The following KIF21B variants were observed in gnomAD, a reference collection of about 807,000 sequenced individuals.
The protein encoded by KIF21B is kinesin family member 21B.
A neutral mutation model predicts 192.9 loss-of-function variants in KIF21B; 85 were observed. The ratio of observed to expected loss-of-function variants is 0.44; its 90% CI spans 0.37 to 0.53. KIF21B has a LOEUF of 0.53. Among genes scored for constraint, KIF21B ranks in the 20% least tolerant of loss-of-function variants. KIF21B has a pLI of 0.00. For synonymous variants in KIF21B, 832 were observed against 884.6 expected (o/e 0.94, Z 1.05); for missense variants, 1,716 against 2,194.8 (o/e 0.78, Z 4.36).
chr1:201,020,328 C>CAGAG (rs1166140640), intron 1 of KIF21B, among the ~76,000 whole-genome samples: 2 of 152,174 alleles, frequency 1.3e-5, no homozygotes, highest in East Asian at 3.9e-4. Flanking sequence ...ATTTGTCAGG[C>CAGAG]CTATATCTCT....
At chr1:201,002,798 T>C (rs1657571427) in intron 8 of KIF21B, 1 of 158,414 alleles carries the variant, frequency 6.3e-6, no homozygotes, top group African/African-American at 2.4e-5. Flanking sequence ...GCCAACTTGG[T>C]ACCATGAGTT....
At chr1:201,009,509 C>A (rs769583229) in intron 1 of KIF21B, 21 bp from the exon 2 acceptor site, 8 of 1,608,114 alleles carry the variant, frequency 5.0e-6, no homozygotes, top group Non-Finnish European at 6.8e-6. Context: ...TGGAGAGAGC[C>A]CTGGGTCAGG....
At position 200,975,459 on chromosome 1, in the gene KIF21B, C is replaced by A; in HGVS notation, c.4614+40G>T. 6.3e-7 allele frequency: 1 copy of A among 1,575,282 alleles called. No homozygotes were observed. On this transcript the variant is annotated intron_variant, in intron 33 of 34. Coordinates refer to ENST00000461742, the MANE Select transcript of KIF21B (RefSeq NM_001252102.2). This position sits in a 1 kb window ranked among gnomAD's most constrained non-coding sequence, Gnocchi z 4.3. ...GCCCTGCGTGGGCTATGGAAACCAC[C>A]CTACCCGAGTCTACCCTCTCCCTTT...
Position 200,999,414 on chromosome 1 carries a change from T to A in KIF21B, c.1820A>T (p.Asp607Val), listed in dbSNP as rs778202622. The change falls in exon 13 of 35, where the codon GAT becomes GTT. Residue 607 changes from aspartate to valine, a missense_variant. Physicochemically the swap from Asp to Val is radical, Grantham distance 152. Around this residue, in one of 3 missense-constraint regions of KIF21B, gnomAD observed 1,087 missense variants for 1,316.6 expected, o/e 0.83. Transcript: ENST00000461742. The surrounding 1 kb of genome is among the most constrained non-coding windows in gnomAD (Gnocchi z 4.7). The stretch of plus-strand genomic sequence containing the variant: ...TTCACTGCCCGAGTCCTCATCTTCA[T>A]CCTCGCGCCCTTCCTCCTCCTCACA... Reference protein sequence around the residue: ...SGCEEEEGREDEDEDSGSEES... With the variant: ...SGCEEEEGREVEDEDSGSEES... The A allele has an allele frequency of 8.7e-6, 14 of 1,614,114 alleles. No individual in the cohort carries two copies. The highest frequency in any genetic ancestry group is 1.7e-5 in the Admixed American group (1 of 60,010).
intron 3 of KIF21B, among the ~76,000 whole-genome samples, chr1:201,006,590 ATCTG>A (rs899790964): frequency 1.1e-4 from 16 of 152,232 alleles, no homozygotes; most frequent in African/African-American, 3.9e-4. Context: ...GGCCTACAAT[ATCTG>A]TCTGTCTGTC....
Position 200,998,378 on chromosome 1 carries a change from C to T in KIF21B, c.2077+6G>A. The T allele has an allele frequency of 6.2e-7, 1 of 1,607,542 alleles. No homozygotes were observed. Among genetic ancestry groups the T allele is most frequent in the Non-Finnish European group, 8.5e-7 (1 of 1,176,340 alleles). On this transcript the variant is annotated splice_donor_region_variant and intron_variant, in intron 14 of 34. Transcript: ENST00000461742. This position sits in a 1 kb window ranked among gnomAD's most constrained non-coding sequence, Gnocchi z 4.3. ...ATGGGGTGGAGGGGCATGGCGGTGG[C>T]CTCACTGAGGTTCTGCAGCACACGG...
In KIF21B at chr1:200,971,682, C is replaced by G. The variant is rs1303178401; in HGVS notation, c.*1839G>C. On this transcript the variant is annotated 3_prime_UTR_variant, in exon 35 of 35. Coordinates refer to ENST00000461742, the MANE Select transcript of KIF21B (RefSeq NM_001252102.2). Reference sequence around the variant, plus strand: ...ACAGACTGTTCAGGTCCCAGGAGACCAGCATCCAAGGGGGTCTCCTTCCTG... The same window carrying G: ...ACAGACTGTTCAGGTCCCAGGAGACGAGCATCCAAGGGGGTCTCCTTCCTG... The G allele has an allele frequency of 2.0e-5, 3 of 152,380 alleles. No individual in the cohort carries two copies. 9.4% of individuals were successfully genotyped at this position (152,380 alleles called of 1,614,324 possible). A position where few individuals can be genotyped will look rare whatever the true frequency, so the allele number is the denominator to read the frequency against.
intron 1 of KIF21B, among the ~76,000 whole-genome samples, chr1:201,011,565 G>C (rs1432162185): frequency 6.6e-6 from 1 of 152,256 alleles, no homozygotes; most frequent in Non-Finnish European, 1.5e-5. Context: ...CAGGGAGAGA[G>C]AGCAAGAGCA....
intron 26 of KIF21B, among the ~76,000 whole-genome samples, chr1:200,985,927 T>A (rs1488147421): frequency 1.3e-5 from 2 of 148,666 alleles, no homozygotes; most frequent in African/African-American, 2.5e-5. Flanking sequence ...CCCACTGCAA[T>A]CTCCACCTCC....
intron 16 of KIF21B, 108 bp downstream of exon 16, chr1:200,992,174 G>T: frequency 1.2e-6 from 1 of 861,608 alleles, no homozygotes; most frequent in Non-Finnish European, 1.8e-6. Context: ...TACCACTTAG[G>T]ACAGTGGAGA....
chr1:200,991,816 C>G (rs1656720770), intron 16 of KIF21B, 91 bp from the exon 17 acceptor site: 4 of 1,341,620 alleles, frequency 3.0e-6, no homozygotes, highest in Non-Finnish European at 4.2e-6. Flanking sequence ...TAGTTGAAAG[C>G]CTGGGCTTCA....
chr1:200,987,267 G>C, intron 24 of KIF21B, 66 bp from the exon 25 acceptor site: 1 of 1,449,826 alleles, frequency 6.9e-7, no homozygotes, highest in Non-Finnish European at 9.3e-7. Context: ...GGGAGCCAGG[G>C]GAAATTCTAT....
intron 33 of KIF21B, 22 bp from the exon 34 acceptor site, chr1:200,974,935 T>C: frequency 1.2e-6 from 2 of 1,610,544 alleles, no homozygotes. Flanking sequence ...TCAGGGCTGG[T>C]GAGGGCTGGG....
rs1376801015 is a variant in KIF21B at position 200,986,332 on chromosome 1, C to T, written c.3689+512G>A. Among the ~76,000 whole-genome samples the T allele has an allele frequency of 5.3e-5, 8 of 151,188 alleles. No homozygotes were observed. In the South Asian group the frequency reaches 1.0e-3, roughly 20 times the overall value. ...TGGCTCGGCTATGCAGTTTAAGGTGCGTTACAGAAATTACATTTCCTTTTT... is the reference window on the plus strand; with the variant it reads ...TGGCTCGGCTATGCAGTTTAAGGTGTGTTACAGAAATTACATTTCCTTTTT... On this transcript the variant is annotated intron_variant, in intron 26 of 34. Transcript: ENST00000461742.
rs1267619798 is a variant in KIF21B, at chr1:201,009,101, C to G, written c.265-150G>C. ...TCCTGAAGCCACACTCTGGGGAAAT[C>G]ACTGACAGCCCTCCCTCTGCTAACC... On this transcript the variant is annotated intron_variant, in intron 2 of 34. Transcript: ENST00000461742. 2.6e-6 allele frequency: 3 copies of G among 1,167,062 alleles called. No individual in the cohort carries two copies. The African/African-American group carries it at 4.6e-5, about 18-fold the overall frequency. The allele number at this position is 1,167,062 out of a possible 1,614,324, so 72.3% of individuals were successfully genotyped here. A position where few individuals can be genotyped will look rare whatever the true frequency, so the allele number is the denominator to read the frequency against.
chr1:200,969,685 T>C lies in KIF21B; in HGVS notation c.*3836A>G, dbSNP rs1362558976. 1 of 152,416 alleles carries C rather than the reference T, an allele frequency of 6.6e-6. No individual in the cohort carries two copies. Among genetic ancestry groups the C allele is most frequent in the Non-Finnish European group, 1.5e-5 (1 of 68,088 alleles). The allele number at this position is 152,416 out of a possible 1,614,324, so 9.4% of individuals were successfully genotyped here. ...TCGGCTCTTTGTGGAGGAGTTTCTA[T>C]TTCCTACTTCCCTGCAAGGCCCTCA... On this transcript the variant is annotated 3_prime_UTR_variant, in exon 35 of 35. Coordinates refer to ENST00000461742, the MANE Select transcript of KIF21B (RefSeq NM_001252102.2).
intron 1 of KIF21B, among the ~76,000 whole-genome samples, chr1:201,016,228 T>G (rs977789479): frequency 1.3e-5 from 2 of 152,196 alleles, no homozygotes; most frequent in Non-Finnish European, 2.9e-5. Context: ...GGAAATAGCT[T>G]GGCTTGGAGA....
Position 200,989,054 on chromosome 1 carries a change from G to GAGAGCACA in KIF21B, c.3133-124_3133-123insTGTGCTCT. 3.9e-6 allele frequency: 4 copies of GAGAGCACA among 1,017,286 alleles called. No individual in the cohort carries two copies. In the South Asian group the frequency reaches 5.1e-5, roughly 13 times the overall value. 63.0% of individuals were successfully genotyped at this position (1,017,286 alleles called of 1,614,324 possible). A position where few individuals can be genotyped will look rare whatever the true frequency, so the allele number is the denominator to read the frequency against. On this transcript the variant is annotated intron_variant, in intron 21 of 34. Transcript: ENST00000461742. ...CTTTCCAGCTCCCAACATCACCCTT[G>GAGAGCACA]TACCTGGCACAGACCTGAGAGCACC...
At chr1:200,996,426 T>G in intron 14 of KIF21B, 31 bp from the exon 15 acceptor site, 1 of 1,604,408 alleles carries the variant, frequency 6.2e-7, no homozygotes. Flanking sequence ...CTGTCGGTGC[T>G]GGGTCCCTAA....
Sources: gnomAD v4.1 joint callset for allele counts (sites outside exome capture counted in the v4.1 genomes callset) on GRCh38, gnomAD v4.1.1 for gene constraint, gnomAD v4.1.1 regional missense constraint, Gnocchi (gnomAD v3.1) non-coding constraint, MANE v1.5 for transcripts, NCBI Gene and HGNC (gene_info 2026-07-23, HGNC 2026-07-21) for gene names.